The following ANO2 variants were observed in gnomAD, a reference collection of about 807,000 sequenced individuals.
ANO2 encodes the protein anoctamin-2.
ANO2 carries 101 observed loss-of-function variants against 124.2 expected under a neutral mutation model. The ratio of observed to expected loss-of-function variants is 0.81; its 90% CI spans 0.69 to 0.96. The LOEUF (loss-of-function observed/expected upper bound fraction) is 0.96. ANO2 is among the 40% of genes least tolerant of loss of function. The pLI is 0.00. For missense variants in ANO2, 1,293 were observed against 1,274.5 expected, an observed-to-expected ratio of 1.01 and a Z score of -0.22; for synonymous variants, 486 against 482.5, an observed-to-expected ratio of 1.01 and a Z score of -0.09.
intron 15 of ANO2, among the ~76,000 whole-genome samples, chr12:5,640,579 C>G (rs892823918): frequency 1.3e-5 from 2 of 152,184 alleles, no homozygotes; most frequent in South Asian, 2.1e-4. Flanking sequence ...TGAACAGACA[C>G]TTCTCAAAAG....
intron 16 of ANO2, among the ~76,000 whole-genome samples, chr12:5,619,589 T>C (rs1214299480): frequency 6.6e-6 from 1 of 152,112 alleles, no homozygotes; most frequent in African/African-American, 2.4e-5. Context: ...AGGTGGCGTA[T>C]GCTGCTTCCA....
intron 3 of ANO2, among the ~76,000 whole-genome samples, chr12:5,905,159 T>C (rs769854598): frequency 2.6e-5 from 4 of 152,018 alleles, no homozygotes. Flanking sequence ...GGCTGGGGGA[T>C]AACGCTGAAA....
At chr12:5,738,879 T>C (rs1204989523) in intron 13 of ANO2, among the ~76,000 whole-genome samples, 1 of 152,122 alleles carries the variant, frequency 6.6e-6, no homozygotes, top group Non-Finnish European at 1.5e-5. Flanking sequence ...CACAGAGGTT[T>C]AGTGTTTCTT....
At chr12:5,912,064 C>G (rs1941082708) in intron 3 of ANO2, among the ~76,000 whole-genome samples, 1 of 152,220 alleles carries the variant, frequency 6.6e-6, no homozygotes, top group Non-Finnish European at 1.5e-5. Context: ...CAGAAACCTC[C>G]TTCCAACCCC....
At chr12:5,926,844 C>T (rs1487756521) in intron 1 of ANO2, among the ~76,000 whole-genome samples, 1 of 152,164 alleles carries the variant, frequency 6.6e-6, no homozygotes, top group Admixed American at 6.5e-5. Context: ...CCACCAGCAC[C>T]CTGCCCCAAG....
chr12:5,591,108 A>T (rs1449181192), intron 20 of ANO2, among the ~76,000 whole-genome samples: 1 of 152,228 alleles, frequency 6.6e-6, no homozygotes, highest in Non-Finnish European at 1.5e-5. Flanking sequence ...TGAACCTGGG[A>T]GGCAGAGGTT....
intron 12 of ANO2, among the ~76,000 whole-genome samples, chr12:5,742,082 C>T (rs922290856): frequency 3.3e-5 from 5 of 152,152 alleles, no homozygotes; most frequent in Non-Finnish European, 7.3e-5. Context: ...AGCCAACAGA[C>T]TTGGGTCCTG....
intron 19 of ANO2, among the ~76,000 whole-genome samples, chr12:5,608,302 C>T (rs947791350): frequency 6.7e-6 from 1 of 149,508 alleles, no homozygotes; most frequent in African/African-American, 2.5e-5. Context: ...TCTCGTATGA[C>T]CAAACTCAAA....
chr12:5,618,135 A>G (rs1413320228), intron 16 of ANO2, among the ~76,000 whole-genome samples: 1 of 152,156 alleles, frequency 6.6e-6, no homozygotes, highest in Non-Finnish European at 1.5e-5. Context: ...GCACACCTCC[A>G]AATTTGCACA....
At chr12:5,738,344 G>A (rs1184875863) in intron 13 of ANO2, among the ~76,000 whole-genome samples, 1 of 152,246 alleles carries the variant, frequency 6.6e-6, no homozygotes, top group Non-Finnish European at 1.5e-5. Context: ...AATCACTGTA[G>A]GAGAGTAATG....
chr12:5,863,281 C>T lies in ANO2; in HGVS notation c.535-9140G>A, dbSNP rs529258513. Reference sequence around the variant, plus strand: ...AAGGCAGCACGGCACCTTGAAAGACCTAACCTATGGGGAGTCAGCAACAGA... The same window carrying T: ...AAGGCAGCACGGCACCTTGAAAGACTTAACCTATGGGGAGTCAGCAACAGA... On this transcript the variant is annotated intron_variant, in intron 3 of 24. Coordinates refer to ENST00000682330, the MANE Select transcript of ANO2 (RefSeq NM_001364791.2). Among the ~76,000 whole-genome samples, 3 of 152,202 alleles carry T rather than the reference C, an allele frequency of 2.0e-5. No homozygotes were observed. In the East Asian group the frequency reaches 5.8e-4, roughly 29 times the overall value.
At chr12:5,886,379 A>T (rs73257246) in intron 3 of ANO2, among the ~76,000 whole-genome samples, 2 of 152,350 alleles carry the variant, frequency 1.3e-5, no homozygotes, top group African/African-American at 4.8e-5. Flanking sequence ...AGTCAGACTC[A>T]TAGAAGCAGA....
intron 14 of ANO2, among the ~76,000 whole-genome samples, chr12:5,672,011 G>A (rs1948032862): frequency 6.6e-6 from 1 of 152,256 alleles, no homozygotes; most frequent in African/African-American, 2.4e-5. Context: ...CATCCACATA[G>A]CATTGCACAT....
intron 20 of ANO2, among the ~76,000 whole-genome samples, chr12:5,584,959 T>C (rs143238760): frequency 2.0e-5 from 3 of 152,244 alleles, no homozygotes; most frequent in Admixed American, 6.5e-5. Context: ...AATACGAAGA[T>C]GAGCAGATTA....
intron 4 of ANO2, among the ~76,000 whole-genome samples, chr12:5,837,296 T>TC (rs1441975716): frequency 3.0e-4 from 41 of 136,666 alleles, no homozygotes; most frequent in African/African-American, 1.0e-3. Context: ...CAGATTTCTT[T>TC]TTTTTTTTTT....
chr12:5,678,195 G>C (rs1188971146), intron 14 of ANO2, among the ~76,000 whole-genome samples: 2 of 152,144 alleles, frequency 1.3e-5, no homozygotes, highest in Non-Finnish European at 1.5e-5. Flanking sequence ...AGGTTCCTGG[G>C]GTGGCCTTAA....
At chr12:5,734,493 T>C (rs76375823) in intron 13 of ANO2, among the ~76,000 whole-genome samples, 18,987 of 152,214 alleles carry the variant, frequency 0.12, 1,319 homozygotes, top group African/African-American at 0.18. Context: ...GGAGGCACCC[T>C]CAGCTGACCG....
chr12:5,566,534 G>C (rs1436988491), intron 23 of ANO2, among the ~76,000 whole-genome samples: 3 of 152,148 alleles, frequency 2.0e-5, no homozygotes, highest in Non-Finnish European at 4.4e-5. Flanking sequence ...TTTCTCCATG[G>C]AATTCAACAA....
At chr12:5,780,453 G>A (rs980032726) in intron 10 of ANO2, among the ~76,000 whole-genome samples, 9 of 152,006 alleles carry the variant, frequency 5.9e-5, no homozygotes, top group Non-Finnish European at 1.0e-4. Flanking sequence ...TTTGATCTGC[G>A]CCCTGGCCTC....
Sources: gnomAD v4.1 joint callset for allele counts (sites outside exome capture counted in the v4.1 genomes callset) on GRCh38, gnomAD v4.1.1 for gene constraint, MANE v1.5 for transcripts, NCBI Gene and HGNC (gene_info 2026-07-23, HGNC 2026-07-21) for gene names.